Variants in KLF12 observed in about 807,000 individuals in gnomAD.
The protein encoded by KLF12 is Krueppel-like factor 12.
Under a neutral mutation model 37.8 loss-of-function variants are expected in KLF12, and 9 were observed. That is an observed-to-expected ratio of 0.24 (90% confidence interval 0.14 to 0.42). The LOEUF (loss-of-function observed/expected upper bound fraction) is 0.42, where lower values mean the gene tolerates loss of function less well. Among genes scored for constraint, KLF12 ranks in the 10% least tolerant of loss-of-function variants. The pLI, the probability that KLF12 is intolerant of heterozygous loss-of-function variation, is 1.00. For synonymous variants in KLF12, 208 were observed against 202.1 expected (o/e 1.03, Z -0.25); for missense variants, 411 against 516.0 (o/e 0.80, Z 1.97).
intron 5 of KLF12, among the ~76,000 whole-genome samples, chr13:73,777,314 T>C (rs572381572): frequency 2.6e-5 from 4 of 152,296 alleles, no homozygotes; most frequent in African/African-American, 9.6e-5. Flanking sequence ...TCCCAGAAGG[T>C]ACAATGTCCT....
At chr13:73,701,162 G>A (rs1487840613) in intron 7 of KLF12, among the ~76,000 whole-genome samples, 1 of 152,122 alleles carries the variant, frequency 6.6e-6, no homozygotes, top group African/African-American at 2.4e-5. Flanking sequence ...AGAGTTGGCT[G>A]GGACAATAAA....
At chr13:73,874,973 G>T (rs1472074591) in intron 3 of KLF12, among the ~76,000 whole-genome samples, 1 of 151,886 alleles carries the variant, frequency 6.6e-6, no homozygotes, top group Non-Finnish European at 1.5e-5. Context: ...TTAATTATGA[G>T]ATATAAAAAT....
chr13:73,858,942 A>G (rs2138783990), intron 3 of KLF12, among the ~76,000 whole-genome samples: 1 of 152,360 alleles, frequency 6.6e-6, no homozygotes, highest in South Asian at 2.1e-4. Context: ...ATTTTAACTG[A>G]TGATTTTAAA....
At chr13:74,150,788 G>T in the KLF12 span, among the ~76,000 whole-genome samples, 14 of 152,136 alleles carry the variant, frequency 9.2e-5, no homozygotes, top group Non-Finnish European at 1.8e-4. Flanking sequence ...GGGACACAAG[G>T]GGGGCAGAGG....
intron 7 of KLF12, among the ~76,000 whole-genome samples, chr13:73,696,933 C>G (rs1874190199): frequency 6.6e-6 from 1 of 152,192 alleles, no homozygotes; most frequent in African/African-American, 2.4e-5. Flanking sequence ...ATGACATCAC[C>G]TATCACAATA....
chr13:73,903,092 A>G (rs557964624), intron 3 of KLF12, among the ~76,000 whole-genome samples: 2 of 152,242 alleles, frequency 1.3e-5, no homozygotes, highest in Non-Finnish European at 2.9e-5. Context: ...TCAAGACATT[A>G]TATTTTTTCA....
intron 2 of KLF12, among the ~76,000 whole-genome samples, chr13:73,990,239 A>G (rs899952132): frequency 6.6e-6 from 1 of 152,174 alleles, no homozygotes; most frequent in Non-Finnish European, 1.5e-5. Context: ...AAAATTTTAA[A>G]ACTTCCTGTC....
At chr13:74,172,297 T>C in the KLF12 span, among the ~76,000 whole-genome samples, 12 of 151,996 alleles carry the variant, frequency 7.9e-5, no homozygotes, top group Non-Finnish European at 1.5e-4. Context: ...TGATATGGAA[T>C]ATATGGATTG....
intron 6 of KLF12, among the ~76,000 whole-genome samples, chr13:73,718,877 G>C (rs1876014740): frequency 6.6e-6 from 1 of 152,124 alleles, no homozygotes. Flanking sequence ...CTGGGTGAAA[G>C]AGCGAGACCT....
chr13:73,906,854 G>C (rs1191571094), intron 3 of KLF12, among the ~76,000 whole-genome samples: 1 of 152,128 alleles, frequency 6.6e-6, no homozygotes, highest in African/African-American at 2.4e-5. Context: ...AAACTGTTTA[G>C]CCCATCTCAA....
At chr13:74,111,919 T>C (rs1876995950) in intron 1 of KLF12, among the ~76,000 whole-genome samples, 1 of 152,232 alleles carries the variant, frequency 6.6e-6, no homozygotes, top group African/African-American at 2.4e-5. Flanking sequence ...CTAAATTTGT[T>C]CAGTATTTGT....
chr13:73,897,008 C>T (rs1022556901), intron 3 of KLF12, among the ~76,000 whole-genome samples: 1 of 152,136 alleles, frequency 6.6e-6, no homozygotes, highest in Admixed American at 6.5e-5. Flanking sequence ...GCCGGCAAAA[C>T]TAATGGTGAC....
intron 3 of KLF12, among the ~76,000 whole-genome samples, chr13:73,893,789 T>C (rs4885127): frequency 0.21 from 32,222 of 152,106 alleles, 4,408 homozygotes; most frequent in East Asian, 0.56. Flanking sequence ...AAGAAACAGG[T>C]GCTGTGCTGG....
chr13:73,805,234 A>T (rs929237250), intron 5 of KLF12, among the ~76,000 whole-genome samples: 2 of 151,962 alleles, frequency 1.3e-5, no homozygotes, highest in African/African-American at 4.8e-5. Context: ...TAACAGCTGA[A>T]TTTTTTTTAT....
At chr13:74,244,900 A>T in the KLF12 span, among the ~76,000 whole-genome samples, 1 of 152,196 alleles carries the variant, frequency 6.6e-6, no homozygotes, top group Admixed American at 6.5e-5. Context: ...GTAATAGGGA[A>T]CCACTGGTGG....
In KLF12 at chr13:73,838,599, T is replaced by G. The variant is rs147025254; in HGVS notation, c.670+7228A>C. 6.8e-3 allele frequency among the ~76,000 whole-genome samples: 1,036 copies of G among 152,306 alleles called. 11 individuals carry two copies. The highest frequency in any genetic ancestry group is 0.022 in the African/African-American group (931 of 41,556). On this transcript the variant is annotated intron_variant, in intron 4 of 7. Transcript: ENST00000377669. ...ATTTGGACCTATAATAAGTTATTTTTTCAAGTATGACACCATTTCAATAAA... is the reference window on the plus strand; with the variant it reads ...ATTTGGACCTATAATAAGTTATTTTGTCAAGTATGACACCATTTCAATAAA...
At chr13:73,987,038 G>C (rs1294835762) in intron 2 of KLF12, among the ~76,000 whole-genome samples, 1 of 152,076 alleles carries the variant, frequency 6.6e-6, no homozygotes, top group Non-Finnish European at 1.5e-5. Context: ...TTCATATTAA[G>C]TGTCTTGCTC....
intron 3 of KLF12, among the ~76,000 whole-genome samples, chr13:73,900,219 AAATT>A (rs1381668526): frequency 1.3e-5 from 2 of 152,214 alleles, no homozygotes; most frequent in Admixed American, 1.3e-4. Context: ...GCATACAAGA[AAATT>A]AAATTATCCA....
chr13:74,294,791 G>A, the KLF12 span, among the ~76,000 whole-genome samples: 3 of 152,078 alleles, frequency 2.0e-5, no homozygotes, highest in Non-Finnish European at 4.4e-5. Context: ...CCCCACAGGC[G>A]CTGCCTCAGC....
Sources: gnomAD v4.1 joint callset for allele counts (sites outside exome capture counted in the v4.1 genomes callset) on GRCh38, gnomAD v4.1.1 for gene constraint, MANE v1.5 for transcripts, NCBI Gene and HGNC (gene_info 2026-07-23, HGNC 2026-07-21) for gene names.